PTPRD: variants seen among roughly 807,000 people sequenced by gnomAD.
PTPRD encodes protein tyrosine phosphatase receptor type D, also known as receptor-type tyrosine-protein phosphatase delta.
Under a neutral mutation model 214.5 loss-of-function variants are expected in PTPRD, and 34 were observed. The ratio of observed to expected loss-of-function variants is 0.16; its 90% CI spans 0.12 to 0.21. The LOEUF is 0.21. Among genes scored for constraint, PTPRD ranks in the 10% least tolerant of loss-of-function variants. The probability of loss-of-function intolerance (pLI) is 1.00; values close to 1 mark genes in which losing one functional copy is unlikely to be tolerated. For missense variants in PTPRD, 2,545 were observed against 2,398.7 expected (o/e 1.06, Z -1.27); for synonymous variants, 1,128 against 845.7 (o/e 1.33, Z -5.79).
intron 37 of PTPRD, among the ~76,000 whole-genome samples, chr9:8,381,210 A>T (rs960832884): frequency 6.6e-6 from 1 of 152,220 alleles, no homozygotes; most frequent in East Asian, 1.9e-4. Context: ...AGATAACACA[A>T]GTCACAGTTA....
At chr9:10,327,616 A>G (rs2096668340) in intron 3 of PTPRD, among the ~76,000 whole-genome samples, 2 of 151,772 alleles carry the variant, frequency 1.3e-5, no homozygotes. Context: ...AATATATATT[A>G]AAACATTTCT....
chr9:9,725,244 C>T (rs1282470678), intron 7 of PTPRD, among the ~76,000 whole-genome samples: 3 of 151,898 alleles, frequency 2.0e-5, no homozygotes, highest in African/African-American at 7.3e-5. Context: ...CTTTCCCATG[C>T]TGTTCCCATG....
chr9:10,590,059 AC>A (rs1253760168), intron 2 of PTPRD, among the ~76,000 whole-genome samples: 14 of 152,186 alleles, frequency 9.2e-5, no homozygotes, highest in Admixed American at 4.6e-4. Flanking sequence ...CAAGTTTGAC[AC>A]CATGTCAATG....
intron 7 of PTPRD, among the ~76,000 whole-genome samples, chr9:9,673,647 A>G (rs988459576): frequency 6.6e-6 from 1 of 151,698 alleles, no homozygotes; most frequent in Non-Finnish European, 1.5e-5. Flanking sequence ...ATAACTAAAA[A>G]TATTTCTGTA....
At chr9:9,787,019 C>G (rs1193103257) in intron 5 of PTPRD, among the ~76,000 whole-genome samples, 1 of 151,924 alleles carries the variant, frequency 6.6e-6, no homozygotes, top group Non-Finnish European at 1.5e-5. Flanking sequence ...CGCCTGAAGT[C>G]CCAACTACTT....
intron 2 of PTPRD, among the ~76,000 whole-genome samples, chr9:10,387,433 A>C (rs2097939015): frequency 6.6e-6 from 1 of 151,812 alleles, no homozygotes; most frequent in Admixed American, 6.6e-5. Flanking sequence ...GTTATATCAG[A>C]AGGCATAGGT....
At chr9:9,119,026 A>G (rs1356264775) in intron 10 of PTPRD, among the ~76,000 whole-genome samples, 1 of 152,206 alleles carries the variant, frequency 6.6e-6, no homozygotes, top group African/African-American at 2.4e-5. Context: ...TCCATGTCAT[A>G]TGGAAAGACC....
chr9:9,020,840 C>CA (rs2154369620), intron 10 of PTPRD, among the ~76,000 whole-genome samples: 1 of 152,204 alleles, frequency 6.6e-6, no homozygotes, highest in African/African-American at 2.4e-5. Flanking sequence ...TAAAAGCACC[C>CA]AGAGTCAAGG....
chr9:9,748,359 T>C (rs893654001), intron 6 of PTPRD, among the ~76,000 whole-genome samples: 7 of 152,328 alleles, frequency 4.6e-5, no homozygotes, highest in Admixed American at 3.9e-4. Flanking sequence ...CAATGATCCA[T>C]AGAAGTGTTT....
chr9:9,447,494 C>A (rs2090836704), intron 8 of PTPRD, among the ~76,000 whole-genome samples: 1 of 151,946 alleles, frequency 6.6e-6, no homozygotes, highest in Non-Finnish European at 1.5e-5. Context: ...AGGGGAACAA[C>A]AGACACTGGG....
chr9:9,354,005 TA>T (rs1377944609), intron 9 of PTPRD, among the ~76,000 whole-genome samples: 3 of 151,764 alleles, frequency 2.0e-5, no homozygotes, highest in Non-Finnish European at 1.5e-5. Flanking sequence ...CGATTTTGGC[TA>T]GGGGTCACTC....
At chr9:8,739,229 A>G (rs1163110810) in intron 11 of PTPRD, among the ~76,000 whole-genome samples, 1 of 152,246 alleles carries the variant, frequency 6.6e-6, no homozygotes, top group Non-Finnish European at 1.5e-5. Context: ...GTGTCCAGCT[A>G]CAACACAAGT....
intron 8 of PTPRD, among the ~76,000 whole-genome samples, chr9:9,517,716 T>C (rs2096871633): frequency 6.6e-6 from 1 of 152,120 alleles, no homozygotes; most frequent in Non-Finnish European, 1.5e-5. Flanking sequence ...CTTTTTCTCT[T>C]GGAATTTATT....
chr9:8,894,986 C>A (rs2098596478), intron 11 of PTPRD, among the ~76,000 whole-genome samples: 1 of 152,214 alleles, frequency 6.6e-6, no homozygotes, highest in Non-Finnish European at 1.5e-5. Context: ...CTTCACTTCT[C>A]ACTGCAATGC....
intron 2 of PTPRD, among the ~76,000 whole-genome samples, chr9:10,554,949 C>T (rs1032338490): frequency 1.1e-4 from 16 of 152,152 alleles, no homozygotes; most frequent in African/African-American, 3.1e-4. Context: ...CGTGAGCCAC[C>T]GCTCCAGGCT....
At chr9:10,127,953 A>C (rs2098831990) in intron 3 of PTPRD, among the ~76,000 whole-genome samples, 1 of 152,096 alleles carries the variant, frequency 6.6e-6, no homozygotes, top group Non-Finnish European at 1.5e-5. Context: ...ATCACCAGAA[A>C]AACTCTGCTT....
intron 11 of PTPRD, among the ~76,000 whole-genome samples, chr9:8,895,859 T>C (rs1382814680): frequency 6.6e-6 from 1 of 152,232 alleles, no homozygotes; most frequent in Non-Finnish European, 1.5e-5. Context: ...ACATTAAAGT[T>C]GGGCATTTCT....
chr9:10,508,682 A>G (rs993965660), intron 2 of PTPRD, among the ~76,000 whole-genome samples: 11 of 152,196 alleles, frequency 7.2e-5, no homozygotes, highest in African/African-American at 2.7e-4. Flanking sequence ...ATTCTCAGCA[A>G]ACTATCGCAA....
intron 8 of PTPRD, among the ~76,000 whole-genome samples, chr9:9,547,569 G>C (rs1197764168): frequency 6.6e-6 from 1 of 151,990 alleles, no homozygotes; most frequent in Non-Finnish European, 1.5e-5. Flanking sequence ...TTCAGTGACT[G>C]ACACTCATAG....
Sources: gnomAD v4.1 joint callset for allele counts (sites outside exome capture counted in the v4.1 genomes callset) on GRCh38, gnomAD v4.1.1 for gene constraint, MANE v1.5 for transcripts, NCBI Gene and HGNC (gene_info 2026-07-23, HGNC 2026-07-21) for gene names.